The following NCAPD3 variants were observed in gnomAD, a reference collection of about 807,000 sequenced individuals.
NCAPD3 encodes the protein non-SMC condensin II complex subunit D3, also known as condensin-2 complex subunit D3.
A neutral mutation model predicts 182.9 loss-of-function variants in NCAPD3; 105 were observed. The ratio of observed to expected loss-of-function variants is 0.57; its 90% CI spans 0.49 to 0.68. The LOEUF is 0.68. NCAPD3 is among the 30% of genes least tolerant of loss of function. NCAPD3 has a pLI of 0.00. For synonymous variants in NCAPD3, 815 were observed against 679.9 expected (o/e 1.20, Z -3.09); for missense variants, 1,944 against 1,837.0 (o/e 1.06, Z -1.07).
Position 134,151,455 on chromosome 11 carries a change from T to C in NCAPD3, c.*1489A>G, listed in dbSNP as rs1043944194. On this transcript the variant is annotated 3_prime_UTR_variant, in exon 35 of 35. Transcript: ENST00000534548. ...TTGTCATAGTGATAGGGTAGCCTTA[T>C]TGCCCCCTCTTCTTATACCCTAAAA... 1 of 152,208 alleles carries C rather than the reference T, an allele frequency of 6.6e-6. No individual in the cohort carries two copies. The highest frequency in any genetic ancestry group is 2.1e-4 in the South Asian group (1 of 4,832). 9.4% of individuals were successfully genotyped at this position (152,208 alleles called of 1,614,324 possible).
At chr11:134,164,113 G>A (rs181003130) in intron 27 of NCAPD3, among the ~76,000 whole-genome samples, 1 of 152,232 alleles carries the variant, frequency 6.6e-6, no homozygotes, top group African/African-American at 2.4e-5. Context: ...GAGGCCAGGT[G>A]GGAAATACAC....
intron 27 of NCAPD3, among the ~76,000 whole-genome samples, chr11:134,162,650 A>G (rs1254225510): frequency 6.6e-6 from 1 of 152,180 alleles, no homozygotes; most frequent in Non-Finnish European, 1.5e-5. Flanking sequence ...AAACAGAAGG[A>G]CAACAAGTAG....
intron 8 of NCAPD3, 143 bp downstream of exon 8, chr11:134,206,456 T>A: frequency 9.7e-7 from 1 of 1,028,086 alleles, no homozygotes; most frequent in Non-Finnish European, 1.5e-6. Flanking sequence ...TAAAGCACAT[T>A]AGCTACGAAG....
In NCAPD3 at chr11:134,186,380, C is replaced by G. The variant is rs1442755650; in HGVS notation, c.2046-854G>C. Among the ~76,000 whole-genome samples the G allele has an allele frequency of 2.6e-5, 4 of 152,002 alleles. No homozygotes were observed. The South Asian group carries it at 8.3e-4, about 32-fold the overall frequency. ...ACCTGGCTAATTTCTCTCTCTCTCT[C>G]TTTGTCTGTCTTTCTTGAGACAGGG... On this transcript the variant is annotated intron_variant, in intron 16 of 34. Transcript: ENST00000534548.
At chr11:134,210,244 T>G (rs751062437) in intron 4 of NCAPD3, 26 bp downstream of exon 4, 1 of 1,582,264 alleles carries the variant, frequency 6.3e-7, no homozygotes, top group East Asian at 2.2e-5. Flanking sequence ...TTGGTATATA[T>G]GTTTTATACT....
intron 8 of NCAPD3, among the ~76,000 whole-genome samples, chr11:134,205,211 G>A (rs1020424030): frequency 1.3e-5 from 2 of 152,154 alleles, no homozygotes; most frequent in African/African-American, 4.8e-5. Context: ...GAACAAAAAT[G>A]TAATCTTCAT....
In NCAPD3 at chr11:134,157,055, A is replaced by C; in HGVS notation, c.4215T>G (p.Ile1405Met). The change falls in exon 32 of 35, where the codon ATT becomes ATG. Residue 1405 changes from isoleucine (I) to methionine (M), a missense_variant. Ile to Met is a conservative substitution (Grantham distance 10). Transcript: ENST00000534548. Reference protein sequence around the residue: ...YSLEQESNGEIEHVTKRAIST... With the variant: ...YSLEQESNGEMEHVTKRAIST... The stretch of plus-strand genomic sequence containing the variant: ...TGATGGCCCGCTTGGTCACGTGCTC[A>C]ATCTCGCCATTCGACTCTTGCTCCA... 1 of 1,613,804 alleles carries C rather than the reference A, an allele frequency of 6.2e-7. No individual in the cohort carries two copies. Among genetic ancestry groups the C allele is most frequent in the Non-Finnish European group, 8.5e-7 (1 of 1,179,868 alleles).
chr11:134,195,905 G>C (rs1034433437), intron 13 of NCAPD3, among the ~76,000 whole-genome samples: 9 of 152,158 alleles, frequency 5.9e-5, no homozygotes, highest in African/African-American at 2.2e-4. Context: ...GAGGAAATCA[G>C]AGTGTGGAAG....
intron 28 of NCAPD3, 120 bp from the exon 29 acceptor site, chr11:134,160,194 A>T: frequency 2.1e-6 from 2 of 973,432 alleles, no homozygotes; most frequent in Non-Finnish European, 1.5e-6. Context: ...TGTACCCCTG[A>T]ACGCAAAATA....
chr11:134,193,945 G>C (rs1200813647), intron 15 of NCAPD3, 71 bp downstream of exon 15: 8 of 1,471,528 alleles, frequency 5.4e-6, no homozygotes, highest in Non-Finnish European at 7.5e-6. Flanking sequence ...TTTAGCAGCA[G>C]GTAATTATTG....
At chr11:134,225,438 A>G, upstream of NCAPD3, 1 of 1,304,444 alleles carries the variant, frequency 7.7e-7, no homozygotes, top group Non-Finnish European at 1.1e-6. Context: ...GAGGCCTGTC[A>G]CAGTCGCTTG....
At chr11:134,173,000 A>G (rs1470688050) in intron 24 of NCAPD3, 2 of 156,132 alleles carry the variant, frequency 1.3e-5, no homozygotes, top group East Asian at 1.8e-4. Flanking sequence ...AAAAAAAAAA[A>G]AAGTCACACA....
chr11:134,177,131 G>A, intron 23 of NCAPD3, 88 bp downstream of exon 23: 1 of 1,044,630 alleles, frequency 9.6e-7, no homozygotes, highest in Non-Finnish European at 1.5e-6. Flanking sequence ...CTACTACAAA[G>A]CAAGCACATT....
At chr11:134,181,019 T>C (rs188067794) in intron 20 of NCAPD3, 58 bp downstream of exon 20, 1 of 1,299,768 alleles carries the variant, frequency 7.7e-7, no homozygotes, top group Non-Finnish European at 1.1e-6. Context: ...TCATCTTTAA[T>C]AGAACCTCAC....
intron 16 of NCAPD3, among the ~76,000 whole-genome samples, chr11:134,188,966 T>C (rs1272325790): frequency 1.3e-5 from 2 of 152,200 alleles, no homozygotes; most frequent in Non-Finnish European, 2.9e-5. Context: ...CTCAAATTTC[T>C]ACCTTCCAGA....
chr11:134,223,773 C>G, intron 1 of NCAPD3, 90 bp downstream of exon 1: 1 of 1,484,720 alleles, frequency 6.7e-7, no homozygotes, highest in Non-Finnish European at 9.2e-7. Context: ...CACCCCGCCC[C>G]CACCGGCACC....
At chr11:134,156,178 C>T (rs1305505795) in intron 32 of NCAPD3, among the ~76,000 whole-genome samples, 3 of 152,196 alleles carry the variant, frequency 2.0e-5, no homozygotes, top group Non-Finnish European at 1.5e-5. Context: ...CAGCTCTGCC[C>T]TCCCAGAAGT....
intron 32 of NCAPD3, among the ~76,000 whole-genome samples, chr11:134,155,933 AAG>A (rs1376911856): frequency 3.2e-4 from 48 of 152,338 alleles, no homozygotes; most frequent in African/African-American, 1.1e-3. Flanking sequence ...TAACTATTCT[AAG>A]AGATCACAGC....
At chr11:134,157,901 G>A in intron 31 of NCAPD3, 27 bp downstream of exon 31, 3 of 1,599,772 alleles carry the variant, frequency 1.9e-6, no homozygotes, top group African/African-American at 2.7e-5. Context: ...ATGCTCTACT[G>A]TGTCTGGCAC....
Sources: allele counts gnomAD v4.1 joint callset (sites outside exome capture counted in the v4.1 genomes callset), GRCh38; gene constraint gnomAD v4.1.1; transcripts MANE v1.5; gene names NCBI Gene and HGNC (gene_info 2026-07-23, HGNC 2026-07-21).